Variants in SSH2 observed in about 807,000 individuals in gnomAD.
SSH2 encodes the protein slingshot protein phosphatase 2, also known as protein phosphatase Slingshot homolog 2.
In SSH2, 37 loss-of-function variants were observed where a neutral mutation model predicts 135.2. That is an observed-to-expected ratio of 0.27 (90% CI 0.21 to 0.36). SSH2 has a LOEUF of 0.36. SSH2 is among the 10% of genes least tolerant of loss of function. The pLI, the probability that SSH2 is intolerant of heterozygous loss-of-function variation, is 1.00. For synonymous variants in SSH2, 628 were observed against 646.2 expected (o/e 0.97, Z 0.43); for missense variants, 1,408 against 1,765.3 (o/e 0.80, Z 3.63).
intron 3 of SSH2, among the ~76,000 whole-genome samples, chr17:29,743,068 A>G (rs2040626322): frequency 6.6e-6 from 1 of 152,094 alleles, no homozygotes; most frequent in South Asian, 2.1e-4. Context: ...AGTAGCTGGG[A>G]TTACAGGCAT....
intron 3 of SSH2, among the ~76,000 whole-genome samples, chr17:29,790,586 T>C (rs1295847983): frequency 6.6e-6 from 1 of 152,238 alleles, no homozygotes; most frequent in East Asian, 1.9e-4. Context: ...TTCTGTTCCA[T>C]GGGTTGCCTT....
rs1304093678 is a variant in SSH2 at position 29,709,007 on chromosome 17, TATATATATAG to T, written c.189-5955_189-5946del. ...CCTAGTTAAGAAATATATATATATA[TATATATATAG>T]AGAGAGAGAGAGAGAGAGAGAGAGA... On this transcript the variant is annotated intron_variant, in intron 3 of 15. Coordinates refer to ENST00000540801, the MANE Select transcript of SSH2 (RefSeq NM_001282129.2). 5.7e-5 allele frequency among the ~76,000 whole-genome samples: 6 copies of T among 105,620 alleles called. No individual in the cohort carries two copies. In the Admixed American group the frequency reaches 6.2e-4, roughly 11 times the overall value. The allele number at this position is 105,620 out of a possible 152,430, so 69.3% of individuals were successfully genotyped here. A position where few individuals can be genotyped will look rare whatever the true frequency, so the allele number is the denominator to read the frequency against.
intron 11 of SSH2, among the ~76,000 whole-genome samples, chr17:29,658,414 A>G (rs375613081): frequency 1.0e-3 from 152 of 152,156 alleles, no homozygotes; most frequent in African/African-American, 3.6e-3. Flanking sequence ...TCTGGCCTCA[A>G]GTGATCTTCC....
At chr17:29,732,269 T>C (rs951228746) in intron 3 of SSH2, among the ~76,000 whole-genome samples, 1 of 152,172 alleles carries the variant, frequency 6.6e-6, no homozygotes, top group African/African-American at 2.4e-5. Context: ...TTCTAAAAAG[T>C]AGCAAGCACC....
chr17:29,644,859 G>A (rs1478899738), intron 14 of SSH2: 1 of 152,104 alleles, frequency 6.6e-6, no homozygotes, highest in Admixed American at 6.5e-5. Context: ...CCTAATCTGA[G>A]TCTGCTGTTT....
chr17:29,648,240 C>T lies in SSH2; in HGVS notation c.1331G>A (p.Arg444Gln), dbSNP rs368379165. Residue 444 changes from arginine (R) to glutamine (Q), a missense_variant, in exon 14 of 16, where the codon CGA becomes CAA. Transcript: ENST00000540801. ...AMKEYGWNLD[R>Q]AYDYVKERRT... ...TCTTTCTTTCACATAGTCATAGGCT[C>T]GGTCCAGATTCCAGCCATATTCCTT... The T allele has an allele frequency of 1.1e-4, 176 of 1,614,178 alleles. No homozygotes were observed. Among genetic ancestry groups the T allele is most frequent in the South Asian group, 4.3e-4 (39 of 91,080 alleles).
intron 3 of SSH2, among the ~76,000 whole-genome samples, chr17:29,745,366 G>GTT (rs1404174123): frequency 6.6e-6 from 1 of 151,866 alleles, no homozygotes; most frequent in Non-Finnish European, 1.5e-5. Context: ...CACCATGTTG[G>GTT]CCAGGCTGGT....
At chr17:29,671,393 G>A (rs1034425401) in intron 9 of SSH2, among the ~76,000 whole-genome samples, 1 of 152,050 alleles carries the variant, frequency 6.6e-6, no homozygotes, top group African/African-American at 2.4e-5. Flanking sequence ...TGAAGTGAGA[G>A]GATCACTTCA....
chr17:29,792,643 A>G (rs1328835100), intron 3 of SSH2, among the ~76,000 whole-genome samples: 1 of 152,130 alleles, frequency 6.6e-6, no homozygotes, highest in African/African-American at 2.4e-5. Flanking sequence ...ATCAACAAAC[A>G]CCTGATAATA....
chr17:29,785,806 T>TTTTA (rs34061713), intron 3 of SSH2, among the ~76,000 whole-genome samples: 6 of 24,876 alleles, frequency 2.4e-4, no homozygotes, highest in African/African-American at 6.9e-4. Flanking sequence ...GTCCGTTTAC[T>TTTTA]TTTTTTTTTT....
intron 4 of SSH2, among the ~76,000 whole-genome samples, chr17:29,701,627 G>A (rs1437527503): frequency 6.6e-6 from 1 of 151,958 alleles, no homozygotes; most frequent in African/African-American, 2.4e-5. Context: ...CTGGTGTGCA[G>A]TGGCATGATC....
intron 11 of SSH2, among the ~76,000 whole-genome samples, chr17:29,663,824 G>C (rs2151027263): frequency 6.6e-6 from 1 of 152,206 alleles, no homozygotes; most frequent in East Asian, 1.9e-4. Flanking sequence ...TGTAAACTAT[G>C]GACTTTAGTT....
chr17:29,898,801 A>C (rs890218022), intron 1 of SSH2, among the ~76,000 whole-genome samples: 1 of 152,184 alleles, frequency 6.6e-6, no homozygotes, highest in Non-Finnish European at 1.5e-5. Context: ...TCATCCTGAT[A>C]CCAAAGCCGG....
intron 1 of SSH2, among the ~76,000 whole-genome samples, chr17:29,913,317 CAAAAAAAAAAAAAAAAAAA>C (rs1207663146): frequency 2.9e-4 from 1 of 3,428 alleles, no homozygotes; most frequent in African/African-American, 7.4e-4. Flanking sequence ...GACGCCATCT[CAAAAAAAAAAAAAAAAAAA>C]AAAAAAAAAA....
rs1325651401 is a variant in SSH2, at chr17:29,655,590, G to A, written c.1050C>T (p.Ala350=). Residue 350 remains alanine, a synonymous_variant, in exon 12 of 16, where the codon GCC becomes GCT. Coordinates refer to ENST00000540801, the MANE Select transcript of SSH2 (RefSeq NM_001282129.2). ...EHVFLGSEWN[A]SNLEDLQNRG... ...GGTTCTGTAAGTCCTCTAAGTTGGA[G>A]GCATTCCATTCTGAGCCCTATGGAG... 8.7e-6 allele frequency: 14 copies of A among 1,613,962 alleles called. No homozygotes were observed. Among genetic ancestry groups the A allele is most frequent in the Non-Finnish European group, 1.2e-5 (14 of 1,179,982 alleles).
At chr17:29,912,739 A>C (rs1421069533) in intron 1 of SSH2, among the ~76,000 whole-genome samples, 1 of 151,944 alleles carries the variant, frequency 6.6e-6, no homozygotes, top group Non-Finnish European at 1.5e-5. Context: ...TCTAAAGTCC[A>C]CCCCTCCCAC....
At chr17:29,814,130 C>CAAAAAAA (rs1402714927) in intron 2 of SSH2, among the ~76,000 whole-genome samples, 3 of 21,142 alleles carry the variant, frequency 1.4e-4, no homozygotes, top group African/African-American at 5.7e-4. Context: ...GACTTCGTCT[C>CAAAAAAA]AAAAAAAAAA....
intron 3 of SSH2, among the ~76,000 whole-genome samples, chr17:29,764,236 C>G (rs1229249930): frequency 6.6e-6 from 1 of 152,202 alleles, no homozygotes; most frequent in Non-Finnish European, 1.5e-5. Context: ...CAGGTGTGAG[C>G]CACTGCACCC....
At chr17:29,638,984 C>A (rs928676760) in intron 14 of SSH2, among the ~76,000 whole-genome samples, 6 of 152,126 alleles carry the variant, frequency 3.9e-5, no homozygotes, top group Non-Finnish European at 5.9e-5. Flanking sequence ...GTCCTCATAA[C>A]TAGGATGAAG....
Sources: gnomAD v4.1 joint callset for allele counts (sites outside exome capture counted in the v4.1 genomes callset) on GRCh38, gnomAD v4.1.1 for gene constraint, MANE v1.5 for transcripts, NCBI Gene and HGNC (gene_info 2026-07-23, HGNC 2026-07-21) for gene names.